LARGE1: variants seen among roughly 807,000 people sequenced by gnomAD.
The protein encoded by LARGE1 is xylosyl- and glucuronyltransferase LARGE1.
LARGE1 carries 43 observed loss-of-function variants against 87.6 expected under a neutral mutation model. The observed-to-expected ratio is 0.49, with a 90% CI of 0.38 to 0.63. The LOEUF (loss-of-function observed/expected upper bound fraction) is 0.63. LARGE1 is among the 30% of genes least tolerant of loss of function. LARGE1 has a pLI of 0.00. For synonymous variants in LARGE1, 434 were observed against 394.6 expected (o/e 1.10, Z -1.18); for missense variants, 802 against 1,000.2 (o/e 0.80, Z 2.67).
intron 6 of LARGE1, among the ~76,000 whole-genome samples, chr22:33,559,423 C>T (rs1189603334): frequency 6.6e-6 from 1 of 152,214 alleles, no homozygotes; most frequent in Non-Finnish European, 1.5e-5. Context: ...CTCAGGTGAT[C>T]CACCCCCCTC....
At chr22:33,845,827 C>T (rs1054678800) in intron 1 of LARGE1, among the ~76,000 whole-genome samples, 4 of 152,106 alleles carry the variant, frequency 2.6e-5, no homozygotes, top group African/African-American at 9.7e-5. Flanking sequence ...CTCCCCGCCC[C>T]GTGATTACTT....
At chr22:33,749,404 C>T (rs8135115) in intron 2 of LARGE1, among the ~76,000 whole-genome samples, 25,780 of 152,148 alleles carry the variant, frequency 0.17, 3,946 homozygotes, top group African/African-American at 0.42. Context: ...TGAGCCACAG[C>T]GCCCAGCCCT....
At chr22:33,812,001 T>C (rs928423075) in intron 1 of LARGE1, among the ~76,000 whole-genome samples, 3 of 152,258 alleles carry the variant, frequency 2.0e-5, no homozygotes, top group Admixed American at 6.5e-5. Flanking sequence ...AAGGGGAAAT[T>C]GGCTACAGAA....
chr22:33,492,562 G>A (rs2069899916), intron 6 of LARGE1, among the ~76,000 whole-genome samples: 1 of 152,164 alleles, frequency 6.6e-6, no homozygotes, highest in Non-Finnish European at 1.5e-5. Flanking sequence ...GAAGCAGAGT[G>A]GGGACTCCGT....
intron 5 of LARGE1, among the ~76,000 whole-genome samples, chr22:33,582,253 C>T (rs2078542600): frequency 6.6e-6 from 1 of 152,148 alleles, no homozygotes; most frequent in Admixed American, 6.5e-5. Context: ...AAGGTTGAGG[C>T]ACCTTGCTCA....
intron 1 of LARGE1, chr22:33,872,975 G>C (rs1239076823): frequency 6.6e-6 from 1 of 151,330 alleles, no homozygotes; most frequent in Admixed American, 6.6e-5. Flanking sequence ...ACTCCAGCTT[G>C]GGTGCCAAGA....
At chr22:33,451,563 C>T (rs1411993380) in intron 6 of LARGE1, among the ~76,000 whole-genome samples, 2 of 139,960 alleles carry the variant, frequency 1.4e-5, no homozygotes, top group African/African-American at 2.7e-5. Context: ...GTATCTCATT[C>T]TTTTTTTTTT....
intron 2 of LARGE1, chr22:33,725,844 A>G (rs1460733954): frequency 1.3e-5 from 2 of 151,688 alleles, no homozygotes; most frequent in Non-Finnish European, 2.9e-5. Flanking sequence ...AATATTTAAT[A>G]ATTGCTTACT....
intron 1 of LARGE1, among the ~76,000 whole-genome samples, chr22:33,778,186 C>T (rs2145870960): frequency 6.6e-6 from 1 of 152,310 alleles, no homozygotes; most frequent in Middle Eastern, 3.4e-3. Flanking sequence ...AAGGATAAAG[C>T]ACAGGGACTC....
chr22:33,815,441 C>T (rs963699233), intron 1 of LARGE1, among the ~76,000 whole-genome samples: 2 of 152,166 alleles, frequency 1.3e-5, no homozygotes. Flanking sequence ...TGCCCATTTT[C>T]CAATTATGTT....
chr22:33,111,957 C>A, the LARGE1 span, among the ~76,000 whole-genome samples: 1 of 152,046 alleles, frequency 6.6e-6, no homozygotes, highest in Non-Finnish European at 1.5e-5. Context: ...CAAATAAAGT[C>A]CAATATAGCT....
At chr22:33,161,890 T>G (rs1236746606), downstream of LARGE1, among the ~76,000 whole-genome samples, 1 of 152,206 alleles carries the variant, frequency 6.6e-6, no homozygotes, top group East Asian at 1.9e-4. Context: ...GTCTGTTTGC[T>G]AAAGCATTTC....
chr22:33,863,734 C>A (rs887571143), intron 1 of LARGE1, among the ~76,000 whole-genome samples: 1 of 151,554 alleles, frequency 6.6e-6, no homozygotes, highest in Non-Finnish European at 1.5e-5. Context: ...CGCCATTGCA[C>A]TCCAGCCTGG....
intron 9 of LARGE1, among the ~76,000 whole-genome samples, chr22:33,375,299 C>T (rs1295256950): frequency 6.6e-6 from 1 of 152,068 alleles, no homozygotes; most frequent in African/African-American, 2.4e-5. Flanking sequence ...TTTTCTCTCT[C>T]CAAAGTTTGG....
intron 5 of LARGE1, among the ~76,000 whole-genome samples, chr22:33,567,399 G>A (rs934715365): frequency 5.3e-5 from 8 of 152,150 alleles, no homozygotes; most frequent in African/African-American, 1.9e-4. Flanking sequence ...CTTATTCCAT[G>A]TATTTAGCTA....
chr22:33,095,038 A>C, the LARGE1 span, among the ~76,000 whole-genome samples: 3 of 152,132 alleles, frequency 2.0e-5, no homozygotes, highest in Non-Finnish European at 4.4e-5. Flanking sequence ...TTCTTATAGC[A>C]CTTTGCATTG....
intron 5 of LARGE1, among the ~76,000 whole-genome samples, chr22:33,590,248 T>G (rs1018759438): frequency 1.3e-5 from 2 of 152,230 alleles, no homozygotes; most frequent in African/African-American, 4.8e-5. Flanking sequence ...ATTAAATATA[T>G]TTTATTGTAT....
At chr22:33,541,369 A>G (rs1159411773) in intron 6 of LARGE1, among the ~76,000 whole-genome samples, 1 of 152,212 alleles carries the variant, frequency 6.6e-6, no homozygotes, top group Non-Finnish European at 1.5e-5. Flanking sequence ...AAAGACTGGT[A>G]TACAAACAGG....
At position 33,720,522 on chromosome 22, in the gene LARGE1, C is replaced by T. The variant is rs77975653; in HGVS notation, c.106+40849G>A. Among the ~76,000 whole-genome samples the T allele has an allele frequency of 6.8e-3, 1,029 of 152,274 alleles. 10 individuals are homozygous for T. Among genetic ancestry groups the T allele is most frequent in the South Asian group, 0.016 (75 of 4,816 alleles). ...ATATAACAACAAAATTGCCTAACAA[C>T]GCATTTCTCAGAATGTATCCCAGTC... On this transcript the variant is annotated intron_variant, in intron 2 of 14. Transcript: ENST00000397394.
Sources: allele counts gnomAD v4.1 joint callset (sites outside exome capture counted in the v4.1 genomes callset), GRCh38; gene constraint gnomAD v4.1.1; transcripts MANE v1.5; gene names NCBI Gene and HGNC (gene_info 2026-07-23, HGNC 2026-07-21).